Variants in AHCTF1 observed in about 807,000 individuals in gnomAD.
The protein encoded by AHCTF1 is protein ELYS.
AHCTF1 carries 24 observed loss-of-function variants against 248.4 expected under a neutral mutation model. The observed-to-expected ratio is 0.10, with a 90% confidence interval of 0.07 to 0.14. AHCTF1 has a LOEUF of 0.14. Ranked by LOEUF, AHCTF1 falls within the 10% of genes least tolerant of loss-of-function variation. AHCTF1 has a pLI of 1.00. For missense variants in AHCTF1, 2,206 were observed against 2,636.2 expected, an observed-to-expected ratio of 0.84 and a Z score of 3.57; for synonymous variants, 786 against 929.8, an observed-to-expected ratio of 0.85 and a Z score of 2.81.
chr1:246,846,122 A>G (rs1165506232), intron 33 of AHCTF1, among the ~76,000 whole-genome samples: 1 of 148,272 alleles, frequency 6.7e-6, no homozygotes, highest in Non-Finnish European at 1.5e-5. Flanking sequence ...TTAGGTATAT[A>G]GCAGGCCCTT....
At chr1:246,880,140 T>C (rs1399625682) in intron 21 of AHCTF1, among the ~76,000 whole-genome samples, 1 of 152,040 alleles carries the variant, frequency 6.6e-6, no homozygotes, top group South Asian at 2.1e-4. Flanking sequence ...AAACAGGCAG[T>C]TGGGAATTCA....
At chr1:246,878,959 T>C (rs1314968637) in intron 21 of AHCTF1, among the ~76,000 whole-genome samples, 1 of 152,180 alleles carries the variant, frequency 6.6e-6, no homozygotes, top group African/African-American at 2.4e-5. Context: ...CGTGTGTTCA[T>C]GTGCACAGAA....
intron 12 of AHCTF1, among the ~76,000 whole-genome samples, chr1:246,897,453 TA>T (rs1445348490): frequency 1.3e-5 from 2 of 152,246 alleles, no homozygotes; most frequent in Non-Finnish European, 2.9e-5. Context: ...ATGTGTTGCT[TA>T]ATGATGGGGA....
At chr1:246,894,369 G>T (rs1464892382) in intron 14 of AHCTF1, among the ~76,000 whole-genome samples, 1 of 152,062 alleles carries the variant, frequency 6.6e-6, no homozygotes, top group African/African-American at 2.4e-5. Context: ...TCAGGAGATC[G>T]AGACCATCCT....
At position 246,903,570 on chromosome 1, in the gene AHCTF1, C is replaced by T. The variant is rs560056357; in HGVS notation, c.966+379G>A. Reference sequence around the variant, plus strand: ...CACAGCCAGGTGCGGTGGCTCACACCTGTAATCCCAGCACTTTGGGAGTTC... The same window carrying T: ...CACAGCCAGGTGCGGTGGCTCACACTTGTAATCCCAGCACTTTGGGAGTTC... On this transcript the variant is annotated intron_variant, in intron 7 of 35. Transcript: ENST00000648844. 9.2e-5 allele frequency among the ~76,000 whole-genome samples: 14 copies of T among 152,024 alleles called. No homozygotes were observed. In the South Asian group the frequency reaches 2.9e-3, roughly 32 times the overall value.
rs368632848 is a variant in AHCTF1 at position 246,905,590 on chromosome 1, C to A, written c.832G>T (p.Asp278Tyr). The stretch of plus-strand genomic sequence containing the variant: ...CACAAGTAACAGCAATTCCGAGGAT[C>A]ATTCTCAGGTTCTTGAAAAGTGACA... ...YAVTFQEPENDPRNCCYLWAV... is the reference protein window; with the variant it reads ...YAVTFQEPENYPRNCCYLWAV... The change falls in exon 6 of 36, where the codon GAT becomes TAT. Residue 278 changes from aspartate (D) to tyrosine (Y), a missense_variant. By Grantham distance (160) the Asp-to-Tyr change is radical. Transcript: ENST00000648844. The A allele has an allele frequency of 6.2e-7, 1 of 1,612,564 alleles. No individual in the cohort carries two copies. Among genetic ancestry groups the A allele is most frequent in the Non-Finnish European group, 8.5e-7 (1 of 1,180,000 alleles).
At chr1:246,863,791 A>G (rs1661748325) in intron 27 of AHCTF1, 133 bp downstream of exon 27, 1 of 871,320 alleles carries the variant, frequency 1.1e-6, no homozygotes, top group South Asian at 1.6e-5. Context: ...ATGTGAAAAC[A>G]TAAAAGGATG....
rs61854024 is a variant in AHCTF1, at chr1:246,894,702, C to G, written c.1761G>C (p.Thr587=). 2,219 of 1,613,670 alleles carry G rather than the reference C, an allele frequency of 1.4e-3. 27 individuals are homozygous for G. In the African/African-American group the frequency reaches 0.025, roughly 18 times the overall value. ...CTTTTGTGAGAACCACTTTATTCCA[C>G]GTCCATTCAAGAACAAAGCGCAAAT... ...ATNLRFVLEW[T]WNKVVLTKEE... is the part of the protein sequence containing the mutation. The change falls in exon 14 of 36, where the codon ACG becomes ACC. Residue 587 remains threonine, a synonymous_variant. Transcript: ENST00000648844.
intron 33 of AHCTF1, among the ~76,000 whole-genome samples, chr1:246,844,821 T>TTA (rs1553283137): frequency 1.3e-5 from 2 of 151,466 alleles, no homozygotes; most frequent in Admixed American, 1.3e-4. Context: ...TTTTTTTTTT[T>TTA]AACTATAGGG....
At chr1:246,876,555 G>C (rs1027260852) in intron 23 of AHCTF1, among the ~76,000 whole-genome samples, 1 of 152,156 alleles carries the variant, frequency 6.6e-6, no homozygotes, top group Non-Finnish European at 1.5e-5. Context: ...TGTGTCCCAA[G>C]CACACAGAGT....
intron 33 of AHCTF1, among the ~76,000 whole-genome samples, chr1:246,848,208 G>A (rs1034247517): frequency 6.6e-6 from 1 of 152,034 alleles, no homozygotes. Flanking sequence ...AACTGTATCA[G>A]TACAACAAGT....
intron 26 of AHCTF1, chr1:246,865,254 C>T (rs192209774): frequency 6.6e-6 from 1 of 152,208 alleles, no homozygotes; most frequent in Admixed American, 6.5e-5. Context: ...AAGTGGCTCA[C>T]CTGAGAATAA....
intron 35 of AHCTF1, 106 bp downstream of exon 35, chr1:246,842,588 A>G: frequency 1.1e-6 from 1 of 885,244 alleles, no homozygotes; most frequent in South Asian, 3.3e-5. Flanking sequence ...TCTCAAAAAA[A>G]ATAAATAAAA....
At chr1:246,841,716 T>C (rs1377886160) in intron 35 of AHCTF1, among the ~76,000 whole-genome samples, 1 of 152,212 alleles carries the variant, frequency 6.6e-6, no homozygotes, top group Non-Finnish European at 1.5e-5. Context: ...TTTCCTACTT[T>C]TTCTGCAAAA....
rs1244172785 is a variant in AHCTF1 at position 246,924,362 on chromosome 1, G to C, written c.-7-5985C>G. On this transcript the variant is annotated intron_variant, in intron 1 of 35. Transcript: ENST00000648844. ...TGTTTATCTTTAAACAGAGATATCTGAAATATTCACAAAACATTAGTGCCG... is the reference window on the plus strand; with the variant it reads ...TGTTTATCTTTAAACAGAGATATCTCAAATATTCACAAAACATTAGTGCCG... 3.3e-5 allele frequency among the ~76,000 whole-genome samples: 5 copies of C among 152,162 alleles called. No individual in the cohort carries two copies. The South Asian group carries it at 1.0e-3, about 32-fold the overall frequency.
chr1:246,915,787 AT>A (rs1176838200), intron 3 of AHCTF1, among the ~76,000 whole-genome samples: 1 of 152,214 alleles, frequency 6.6e-6, no homozygotes, highest in African/African-American at 2.4e-5. Flanking sequence ...TAATGAATAC[AT>A]TTTTATAAAC....
At position 246,895,937 on chromosome 1, in the gene AHCTF1, A is replaced by G. The variant is rs1664541707; in HGVS notation, c.1624-12T>C. ...TCTAACTGTTCTTCCTAAACCATGC[A>G]TTACAGAAAGGAAAGAAATGGAAAG... is the stretch of plus-strand genomic sequence containing the variant. On this transcript the variant is annotated splice_polypyrimidine_tract_variant and intron_variant, in intron 12 of 35. Transcript: ENST00000648844. The G allele has an allele frequency of 6.2e-7, 1 of 1,601,430 alleles. No individual in the cohort carries two copies. Among genetic ancestry groups the G allele is most frequent in the Admixed American group, 1.7e-5 (1 of 58,486 alleles).
intron 1 of AHCTF1, among the ~76,000 whole-genome samples, chr1:246,921,279 G>C (rs1404409508): frequency 2.6e-5 from 4 of 152,072 alleles, no homozygotes; most frequent in Admixed American, 2.0e-4. Flanking sequence ...AGAGAAAGCG[G>C]AAGAATATAC....
rs780623206 is a variant in AHCTF1, at chr1:246,853,313, G to A, written c.4355-14C>T. On this transcript the variant is annotated splice_polypyrimidine_tract_variant and intron_variant, in intron 31 of 35. Coordinates refer to ENST00000648844, the MANE Select transcript of AHCTF1 (RefSeq NM_001323342.2). ...CATCAGCCATAGCTGAAAGAAAAAT[G>A]AGTGAATTTTTTACATTTAAACTGA... 1.9e-6 allele frequency: 3 copies of A among 1,593,714 alleles called. No homozygotes were observed. The South Asian group carries it at 3.4e-5, about 18-fold the overall frequency.
Sources: gnomAD v4.1 joint callset for allele counts (sites outside exome capture counted in the v4.1 genomes callset) on GRCh38, gnomAD v4.1.1 for gene constraint, MANE v1.5 for transcripts, NCBI Gene and HGNC (gene_info 2026-07-23, HGNC 2026-07-21) for gene names.